The following PTPRT variants were observed in gnomAD, a reference collection of about 807,000 sequenced individuals.
PTPRT encodes the protein receptor-type tyrosine-protein phosphatase T.
A neutral mutation model predicts 176.8 loss-of-function variants in PTPRT; 56 were observed. The observed-to-expected ratio is 0.32, with a 90% CI of 0.26 to 0.40. The LOEUF (loss-of-function observed/expected upper bound fraction) is 0.40. Ranked by LOEUF, PTPRT falls within the 10% of genes least tolerant of loss-of-function variation. The pLI is 1.00. For missense variants in PTPRT, 1,540 were observed against 1,908.2 expected (o/e 0.81, Z 3.60); for synonymous variants, 783 against 739.0 (o/e 1.06, Z -0.96).
chr20:42,728,093 C>A (rs1479634675), intron 6 of PTPRT, among the ~76,000 whole-genome samples: 1 of 152,166 alleles, frequency 6.6e-6, no homozygotes, highest in African/African-American at 2.4e-5. Context: ...AGAATTATTG[C>A]CCATTATGTT....
chr20:42,162,326 C>T (rs1989638584), intron 16 of PTPRT, among the ~76,000 whole-genome samples: 1 of 152,222 alleles, frequency 6.6e-6, no homozygotes, highest in South Asian at 2.1e-4. Context: ...AAATCTCTCC[C>T]TGATGTAGGA....
chr20:42,060,518 G>T, the PTPRT span, among the ~76,000 whole-genome samples: 1 of 152,156 alleles, frequency 6.6e-6, no homozygotes, highest in African/African-American at 2.4e-5. Flanking sequence ...GTGAATCATG[G>T]GGGCAAGTCT....
intron 2 of PTPRT, among the ~76,000 whole-genome samples, chr20:42,825,922 C>T (rs545738360): frequency 6.6e-6 from 1 of 152,196 alleles, no homozygotes; most frequent in African/African-American, 2.4e-5. Flanking sequence ...CCAGATTATT[C>T]TAACGGCAGG....
intron 22 of PTPRT, among the ~76,000 whole-genome samples, chr20:42,111,620 C>T (rs904011679): frequency 6.6e-6 from 1 of 152,158 alleles, no homozygotes; most frequent in African/African-American, 2.4e-5. Flanking sequence ...TTACTGTGTG[C>T]CAGTCACTCT....
Position 42,519,186 on chromosome 20 carries a change from T to A in PTPRT, c.1154-46624A>T, listed in dbSNP as rs189171364. 9.2e-5 allele frequency among the ~76,000 whole-genome samples: 14 copies of A among 152,310 alleles called. No individual in the cohort carries two copies. In the East Asian group the frequency reaches 1.9e-3, roughly 21 times the overall value. The stretch of plus-strand genomic sequence containing the variant: ...CCACTAATCTGTTCTCCAGTTTTTT[T>A]AAATTATTGTTTCAAGAATGTTATA... On this transcript the variant is annotated intron_variant, in intron 7 of 30. Transcript: ENST00000373187.
Position 43,088,429 on chromosome 20 carries a change from C to T in PTPRT, c.88+101217G>A, listed in dbSNP as rs191958142. On this transcript the variant is annotated intron_variant, in intron 1 of 30. Coordinates refer to ENST00000373187, the MANE Select transcript of PTPRT (RefSeq NM_007050.6). ...CTAAAAGTGGAGTTTCCAACATCAT[C>T]GTGAATCCACTCCTGCACCTCCTCA... Among the ~76,000 whole-genome samples, 135 of 150,482 alleles carry T rather than the reference C, an allele frequency of 9.0e-4. 3 individuals carry two copies. The highest frequency in any genetic ancestry group is 7.0e-3 in the Admixed American group (106 of 15,088).
rs1032434083 is a variant in PTPRT, at chr20:43,086,229, C to T, written c.88+103417G>A. Among the ~76,000 whole-genome samples the T allele has an allele frequency of 2.0e-5, 3 of 152,294 alleles. No individual in the cohort carries two copies. The East Asian group carries it at 5.8e-4, about 29-fold the overall frequency. On this transcript the variant is annotated intron_variant, in intron 1 of 30. Transcript: ENST00000373187. ...CCAACCAACCCGCTGTGAATAGGTG[C>T]CTCAGGCAACTGAAGTCCAAATAGA...
At chr20:42,493,211 C>G (rs2071593470) in intron 7 of PTPRT, among the ~76,000 whole-genome samples, 2 of 152,126 alleles carry the variant, frequency 1.3e-5, no homozygotes, top group African/African-American at 4.8e-5. Flanking sequence ...ATCCAAGAGT[C>G]TAGAAGCAAA....
intron 16 of PTPRT, among the ~76,000 whole-genome samples, chr20:42,173,064 C>T (rs1381921707): frequency 1.3e-5 from 2 of 152,156 alleles, no homozygotes; most frequent in African/African-American, 4.8e-5. Context: ...GGTGTCATTC[C>T]TTTGACGGCC....
chr20:42,502,491 C>T (rs1457104459), intron 7 of PTPRT, among the ~76,000 whole-genome samples: 3 of 151,392 alleles, frequency 2.0e-5, no homozygotes, highest in Non-Finnish European at 2.9e-5. Flanking sequence ...ATATTTTGCA[C>T]GTTTCTGAAA....
chr20:42,577,888 C>A (rs924740815), intron 7 of PTPRT, among the ~76,000 whole-genome samples: 9 of 140,328 alleles, frequency 6.4e-5, no homozygotes, highest in Non-Finnish European at 9.1e-5. Flanking sequence ...CCCAGTCTAA[C>A]CAAACAAGAG....
chr20:42,875,171 T>G (rs1480830106), intron 2 of PTPRT, among the ~76,000 whole-genome samples: 1 of 152,220 alleles, frequency 6.6e-6, no homozygotes, highest in Non-Finnish European at 1.5e-5. Flanking sequence ...ATGTGGATAT[T>G]AGCACAGACA....
the PTPRT span, among the ~76,000 whole-genome samples, chr20:42,059,256 G>T: frequency 2.0e-5 from 3 of 152,072 alleles, no homozygotes; most frequent in African/African-American, 7.2e-5. Context: ...TTCCTCACAG[G>T]GCCGTGTGTG....
chr20:42,153,212 A>G (rs1450782821), intron 17 of PTPRT, among the ~76,000 whole-genome samples: 1 of 152,138 alleles, frequency 6.6e-6, no homozygotes, highest in African/African-American at 2.4e-5. Context: ...TATTTTCTTT[A>G]TTTATCTTTC....
Position 42,104,577 on chromosome 20 carries a change from C to T in PTPRT, c.3532G>A (p.Glu1178Lys). The T allele has an allele frequency of 6.2e-7, 1 of 1,612,680 alleles. No homozygotes were observed. The highest frequency in any genetic ancestry group is 8.5e-7 in the Non-Finnish European group (1 of 1,179,024). Residue 1178 changes from glutamate (E) to lysine (K), a missense_variant, in exon 25 of 31, where the codon GAA (glutamate) becomes AAA (lysine). Physicochemically the swap from Glu to Lys is moderately conservative, Grantham distance 56. This residue lies in a region of PTPRT where 342 missense variants were observed against 394.0 expected (regional missense o/e 0.87). Transcript: ENST00000373187. The part of the protein sequence containing the change: ...PQTNSSQIKD[E>K]FQTLNIVTPR... ...CTGGGATTTGCTCATACCTGAAATT[C>T]ATCTTTGATTTGGCTGGAGTTTGTC...
intron 1 of PTPRT, among the ~76,000 whole-genome samples, chr20:43,058,223 A>AG (rs1568758845): frequency 6.6e-6 from 1 of 152,058 alleles, no homozygotes. Flanking sequence ...GTAAGAGGGG[A>AG]GGAAAAAAAG....
intron 7 of PTPRT, among the ~76,000 whole-genome samples, chr20:42,549,016 G>A (rs1477103697): frequency 6.6e-6 from 1 of 152,102 alleles, no homozygotes; most frequent in African/African-American, 2.4e-5. Context: ...CGGGAGCATG[G>A]ACTAGTGCAG....
intron 19 of PTPRT, among the ~76,000 whole-genome samples, chr20:42,121,723 C>T (rs1388011580): frequency 6.8e-6 from 1 of 146,226 alleles, no homozygotes; most frequent in Admixed American, 6.8e-5. Context: ...ATATAGTATT[C>T]CATATATATA....
intron 1 of PTPRT, among the ~76,000 whole-genome samples, chr20:43,159,460 C>T (rs1044107936): frequency 6.6e-6 from 1 of 152,192 alleles, no homozygotes; most frequent in Non-Finnish European, 1.5e-5. Context: ...AAATGGCAGG[C>T]ATCATATCTG....
Sources: gnomAD v4.1 joint callset for allele counts (sites outside exome capture counted in the v4.1 genomes callset) on GRCh38, gnomAD v4.1.1 for gene constraint, gnomAD v4.1.1 regional missense constraint, MANE v1.5 for transcripts, NCBI Gene and HGNC (gene_info 2026-07-23, HGNC 2026-07-21) for gene names.